Variants in ACP7 observed in about 807,000 individuals in gnomAD.
ACP7 encodes the protein acid phosphatase type 7.
ACP7 carries 58 observed loss-of-function variants against 60.6 expected under a neutral mutation model. That is an observed-to-expected ratio of 0.96 (90% CI 0.77 to 1.19). ACP7 has a LOEUF of 1.19. ACP7 is among the 50% of genes most tolerant of loss of function. The pLI, the probability that ACP7 is intolerant of heterozygous loss-of-function variation, is 0.00. For missense variants in ACP7, 574 were observed against 596.2 expected (o/e 0.96, Z 0.39); for synonymous variants, 237 against 232.6 (o/e 1.02, Z -0.17).
chr19:39,091,814 G>A (rs2073207456), intron 2 of ACP7, among the ~76,000 whole-genome samples: 1 of 151,822 alleles, frequency 6.6e-6, no homozygotes, highest in African/African-American at 2.4e-5. Flanking sequence ...AGGAGGCTGG[G>A]GCAGGAGAAT....
chr19:39,084,770 C>T (rs939276795), intron 1 of ACP7, among the ~76,000 whole-genome samples: 2 of 152,012 alleles, frequency 1.3e-5, no homozygotes, highest in Non-Finnish European at 1.5e-5. Flanking sequence ...CTGCGGAATG[C>T]AACCTCCTAC....
In ACP7 at chr19:39,100,657, C is replaced by T; in HGVS notation, c.692+15C>T. The T allele has an allele frequency of 6.2e-7, 1 of 1,613,746 alleles. No homozygotes were observed. The highest frequency in any genetic ancestry group is 1.3e-5 in the African/African-American group (1 of 74,984). ...CTGTGGTACAGGTAATGTGGGGGTG[C>T]TGGGGGACTGGCCCTCTCCCCTGAA... On this transcript the variant is annotated intron_variant, in intron 6 of 12. Coordinates refer to ENST00000331256, the MANE Select transcript of ACP7 (RefSeq NM_001004318.3).
At chr19:39,100,139 G>T in intron 4 of ACP7, 88 bp from the exon 5 acceptor site, 1 of 1,548,906 alleles carries the variant, frequency 6.5e-7, no homozygotes, top group Non-Finnish European at 8.8e-7. Context: ...GGGATTAACA[G>T]GTGTGAGTCA....
intron 2 of ACP7, among the ~76,000 whole-genome samples, chr19:39,089,444 T>A (rs975580234): frequency 1.3e-5 from 2 of 152,196 alleles, no homozygotes; most frequent in African/African-American, 2.4e-5. Context: ...AGTTCCTGTC[T>A]CCCCTCACTC....
Position 39,106,951 on chromosome 19 carries a change from G to C in ACP7, c.1118G>C (p.Cys373Ser). The C allele has an allele frequency of 6.2e-7, 1 of 1,613,880 alleles. No individual in the cohort carries two copies. The change falls in exon 12 of 13, where the codon TGT (cysteine) becomes TCT (serine). Residue 373 changes from cysteine (C) to serine (S), a missense_variant. Transcript: ENST00000331256. Reference sequence around the variant, plus strand: ...GATCAGTTCTCCCCGCCCCAGGGCTGTGAGGAGCGGCTGACGCCCTTTGCT... The same window carrying C: ...GATCAGTTCTCCCCGCCCCAGGGCTCTGAGGAGCGGCTGACGCCCTTTGCT... ...PVHIITGSAG[C>S]EERLTPFAVF...
At chr19:39,092,864 G>A (rs568178538) in intron 2 of ACP7, among the ~76,000 whole-genome samples, 2 of 137,730 alleles carry the variant, frequency 1.5e-5, no homozygotes, top group East Asian at 4.5e-4. Context: ...TGCAACCTTC[G>A]CCTCCCAGAT....
chr19:39,107,156 C>CT, intron 12 of ACP7, 72 bp downstream of exon 12: 1 of 1,452,002 alleles, frequency 6.9e-7, no homozygotes. Context: ...CTGTTAAAAA[C>CT]GTGGGCTCGG....
At chr19:39,101,770 T>A (rs1005944751) in intron 11 of ACP7, among the ~76,000 whole-genome samples, 1 of 151,558 alleles carries the variant, frequency 6.6e-6, no homozygotes, top group Non-Finnish European at 1.5e-5. Context: ...GGTTGGGAGC[T>A]CCCCCACCAT....
intron 12 of ACP7, 37 bp downstream of exon 12, chr19:39,107,121 A>T: frequency 1.9e-6 from 3 of 1,600,664 alleles, no homozygotes; most frequent in South Asian, 2.2e-5. Flanking sequence ...CTGACTGTAC[A>T]GCCAGGCCCC....
In ACP7 at chr19:39,101,321, C is replaced by T. The variant is rs1231041444; in HGVS notation, c.1007C>T (p.Ser336Leu). The change falls in exon 10 of 13, where the codon TCG (serine) becomes TTG (leucine). Residue 336 changes from serine (S) to leucine (L), a missense_variant. Coordinates refer to ENST00000331256, the MANE Select transcript of ACP7 (RefSeq NM_001004318.3). ...VDLQLWAHEH[S>L]YERLWPIYNY... ...CTGCAGCTGTGGGCTCATGAGCACT[C>T]GTATGAACGACTGTGGCCAATTTAC... is the stretch of plus-strand genomic sequence containing the variant. 4.3e-6 allele frequency: 7 copies of T among 1,614,164 alleles called. No homozygotes were observed. The highest frequency in any genetic ancestry group is 5.1e-6 in the Non-Finnish European group (6 of 1,180,050).
In ACP7 at chr19:39,085,242, C is replaced by T; in HGVS notation, c.-28C>T. 6.2e-7 allele frequency: 1 copy of T among 1,603,300 alleles called. No homozygotes were observed. The highest frequency in any genetic ancestry group is 8.5e-7 in the Non-Finnish European group (1 of 1,174,540). ...GATCTCCTCAGTCCCCCTGCTTTTC[C>T]CCGGTCTGCCATCACCACCCCACCA... On this transcript the variant is annotated 5_prime_UTR_variant, in exon 2 of 13. Coordinates refer to ENST00000331256, the MANE Select transcript of ACP7 (RefSeq NM_001004318.3).
At chr19:39,102,763 CTT>C (rs746628964) in intron 11 of ACP7, among the ~76,000 whole-genome samples, 11 of 78,284 alleles carry the variant, frequency 1.4e-4, no homozygotes, top group South Asian at 4.9e-4. Context: ...TTCTTTCTTT[CTT>C]TCTCTCTCTC....
At position 39,099,262 on chromosome 19, in the gene ACP7, G is replaced by T. The variant is rs573780149; in HGVS notation, c.505+120G>T. 3.3e-5 allele frequency: 38 copies of T among 1,159,766 alleles called. No individual in the cohort carries two copies. In the South Asian group the frequency reaches 6.7e-4, roughly 20 times the overall value. 71.8% of individuals were successfully genotyped at this position (1,159,766 alleles called of 1,614,324 possible). ...GTGCTAGGACCGTGGAGGGGACAGG[G>T]CTGGGGCCAGTGTGTCTCTGAAGGG... On this transcript the variant is annotated intron_variant, in intron 4 of 12. Transcript: ENST00000331256.
chr19:39,107,778 A>G (rs1410501985), intron 12 of ACP7, among the ~76,000 whole-genome samples: 3 of 151,876 alleles, frequency 2.0e-5, no homozygotes, highest in African/African-American at 4.8e-5. Context: ...CCCAGCTACA[A>G]GGGAGGTTGA....
intron 2 of ACP7, among the ~76,000 whole-genome samples, chr19:39,097,011 A>T (rs2073273493): frequency 2.0e-5 from 3 of 152,172 alleles, no homozygotes; most frequent in African/African-American, 7.2e-5. Flanking sequence ...CATGTTGGCC[A>T]GGATGGTCTC....
chr19:39,085,782 C>T (rs1273167428), intron 2 of ACP7, among the ~76,000 whole-genome samples: 2 of 152,192 alleles, frequency 1.3e-5, no homozygotes, highest in African/African-American at 4.8e-5. Flanking sequence ...TCCCTCTTCT[C>T]CTCTTCCCCA....
intron 1 of ACP7, among the ~76,000 whole-genome samples, chr19:39,084,684 C>G (rs780456945): frequency 6.6e-6 from 1 of 151,466 alleles, no homozygotes; most frequent in Non-Finnish European, 1.5e-5. Context: ...CGGGGGCAGG[C>G]GGGAATGCTT....
At chr19:39,090,233 A>G (rs962446180) in intron 2 of ACP7, among the ~76,000 whole-genome samples, 2 of 151,958 alleles carry the variant, frequency 1.3e-5, no homozygotes, top group Non-Finnish European at 2.9e-5. Context: ...CAGTGGCGCA[A>G]TCTCGGCTCA....
rs1183994365 is a variant in ACP7, at chr19:39,101,490, C to T, written c.1066C>T (p.Pro356Ser). 6.2e-7 allele frequency: 1 copy of T among 1,614,140 alleles called. No individual in the cohort carries two copies. The highest frequency in any genetic ancestry group is 2.2e-5 in the East Asian group (1 of 44,876). ...YQVFNGSREM[P>S]YTNPRGPVHI... ...GGTATTTAACGGCAGCCGAGAGATG[C>T]CCTACACCAACCCGCGAGGGCCTGT... is the stretch of plus-strand genomic sequence containing the variant. Residue 356 changes from proline (P) to serine (S), a missense_variant, in exon 11 of 13, where the codon CCC becomes TCC. Pro to Ser is a moderately conservative substitution (Grantham distance 74). Transcript: ENST00000331256.
Sources: allele counts gnomAD v4.1 joint callset (sites outside exome capture counted in the v4.1 genomes callset), GRCh38; gene constraint gnomAD v4.1.1; transcripts MANE v1.5; gene names NCBI Gene and HGNC (gene_info 2026-07-23, HGNC 2026-07-21).